The following ZNF879 variants were observed in gnomAD, a reference collection of about 807,000 sequenced individuals.
ZNF879 encodes zinc finger protein 879.
Under a neutral mutation model 44.3 loss-of-function variants are expected in ZNF879, and 32 were observed. The ratio of observed to expected loss-of-function variants is 0.72; its 90% CI spans 0.54 to 0.97. ZNF879 has a LOEUF of 0.97. Ranked by LOEUF, ZNF879 falls within the 50% of genes least tolerant of loss-of-function variation. ZNF879 has a pLI of 0.00. For synonymous variants in ZNF879, 234 were observed against 233.2 expected (o/e 1.00, Z -0.03); for missense variants, 621 against 669.7 (o/e 0.93, Z 0.80).
In ZNF879 at chr5:179,033,581, T is replaced by C; in HGVS notation, c.1633T>C (p.Cys545Arg). 1 of 1,548,026 alleles carries C rather than the reference T, an allele frequency of 6.5e-7. No individual in the cohort carries two copies. The highest frequency in any genetic ancestry group is 8.7e-7 in the Non-Finnish European group (1 of 1,146,206). Reference sequence around the variant, plus strand: ...GGAAAAACCTTATAAATGTAAAGAATGTGGGAAGGCTTTTAGTCAGAGCTC... The same window carrying C: ...GGAAAAACCTTATAAATGTAAAGAACGTGGGAAGGCTTTTAGTCAGAGCTC... ...TGEKPYKCKE[C>R]GKAFSQSSSL... The change falls in exon 5 of 5, where the codon TGT becomes CGT. Residue 545 changes from cysteine to arginine, a missense_variant. Transcript: ENST00000444149.
intron 1 of ZNF879, 187 bp from the exon 2 acceptor site, chr5:179,024,783 G>T: frequency 1.8e-6 from 1 of 560,976 alleles, no homozygotes; most frequent in Admixed American, 3.0e-5. Context: ...AAGGTAGCAG[G>T]CCCGGTGACT....
In ZNF879 at chr5:179,027,553, G is replaced by A. The variant is rs779973107; in HGVS notation, c.114G>A (p.Leu38=). The change falls in exon 3 of 5, where the codon TTG becomes TTA. Residue 38 remains leucine (L), a synonymous_variant. Coordinates refer to ENST00000444149, the MANE Select transcript of ZNF879 (RefSeq NM_001136116.3). ...WLHLDSAQRA[L]YREVMLENYS... is the part of the protein sequence containing the mutation. ...ACCTGGACTCTGCCCAGAGAGCCTTGTACCGGGAGGTGATGCTGGAGAACT... is the reference window on the plus strand; with the variant it reads ...ACCTGGACTCTGCCCAGAGAGCCTTATACCGGGAGGTGATGCTGGAGAACT... 1.3e-5 allele frequency: 21 copies of A among 1,614,034 alleles called. No individual in the cohort carries two copies. The highest frequency in any genetic ancestry group is 1.7e-5 in the Non-Finnish European group (20 of 1,180,042).
chr5:179,027,290 C>A, intron 2 of ZNF879, 183 bp from the exon 3 acceptor site: 2 of 811,544 alleles, frequency 2.5e-6, no homozygotes, highest in Non-Finnish European at 3.8e-6. Flanking sequence ...CCTCTGTGTT[C>A]AAGCTTCCTG....
In ZNF879 at chr5:179,032,795, A is replaced by G. The variant is rs1761462664; in HGVS notation, c.847A>G (p.Thr283Ala). The change falls in exon 5 of 5, where the codon ACT (threonine) becomes GCT (alanine). Residue 283 changes from threonine to alanine, a missense_variant. By Grantham distance (58) the Thr-to-Ala change is moderately conservative. Transcript: ENST00000444149. The stretch of plus-strand genomic sequence containing the variant: ...TCTTATTGGACACCAGAGAATGCAT[A>G]CTGGAGAGAGACCTTATAAATGCAA... Reference protein sequence around the residue: ...TSLIGHQRMHTGERPYKCKEC... With the variant: ...TSLIGHQRMHAGERPYKCKEC... 1 of 1,554,464 alleles carries G rather than the reference A, an allele frequency of 6.4e-7. No homozygotes were observed. Among genetic ancestry groups the G allele is most frequent in the Non-Finnish European group, 8.7e-7 (1 of 1,148,746 alleles).
In ZNF879 at chr5:179,026,681, G is replaced by A. The variant is rs577377405; in HGVS notation, c.34-792G>A. Reference sequence around the variant, plus strand: ...AAAAATTATTTTTTGCAGAGATGAGGTCTCTCTATGTTGCCCAGGCCGGTC... The same window carrying A: ...AAAAATTATTTTTTGCAGAGATGAGATCTCTCTATGTTGCCCAGGCCGGTC... On this transcript the variant is annotated intron_variant, in intron 2 of 4. Coordinates refer to ENST00000444149, the MANE Select transcript of ZNF879 (RefSeq NM_001136116.3). Among the ~76,000 whole-genome samples, 4 of 152,138 alleles carry A rather than the reference G, an allele frequency of 2.6e-5. No homozygotes were observed. The South Asian group carries it at 8.3e-4, about 32-fold the overall frequency.
rs910584999 is a variant in ZNF879 at position 179,032,491 on chromosome 5, G to A, written c.543G>A (p.Arg181=). 10 of 1,551,576 alleles carry A rather than the reference G, an allele frequency of 6.4e-6. No homozygotes were observed. The African/African-American group carries it at 9.6e-5, about 15-fold the overall frequency. The change falls in exon 5 of 5, where the codon AGG becomes AGA. Residue 181 remains arginine (R), a synonymous_variant. Transcript: ENST00000444149. ...IRKPRIVSRG[R]RPRSQQYSVL... ...AACCGAGAATAGTTTCCAGAGGAAG[G>A]AGACCCCGTTCACAGCAGTATTCAG...
chr5:179,029,057 C>G (rs899871891), intron 4 of ZNF879, among the ~76,000 whole-genome samples: 3 of 139,654 alleles, frequency 2.1e-5, no homozygotes, highest in Non-Finnish European at 4.6e-5. Context: ...GTTTTTTTCT[C>G]TCCTCTGAGA....
At chr5:179,029,866 A>G (rs1332411423) in intron 4 of ZNF879, among the ~76,000 whole-genome samples, 1 of 152,206 alleles carries the variant, frequency 6.6e-6, no homozygotes, top group African/African-American at 2.4e-5. Context: ...CAGTGAATAG[A>G]GGCCTACCTC....
At position 179,032,525 on chromosome 5, in the gene ZNF879, A is replaced by G; in HGVS notation, c.577A>G (p.Lys193Glu). 1 of 1,551,744 alleles carries G rather than the reference A, an allele frequency of 6.4e-7. No homozygotes were observed. The highest frequency in any genetic ancestry group is 8.7e-7 in the Non-Finnish European group (1 of 1,147,004). ...TTCACAGCAGTATTCAGTTCTCTTTAAACAACTGGGGGTCAACACAGTGCG... is the reference window on the plus strand; with the variant it reads ...TTCACAGCAGTATTCAGTTCTCTTTGAACAACTGGGGGTCAACACAGTGCG... ...PRSQQYSVLF[K>E]QLGVNTVRKC... The change falls in exon 5 of 5, where the codon AAA becomes GAA. Residue 193 changes from lysine to glutamate, a missense_variant. Transcript: ENST00000444149.
rs530641022 is a variant in ZNF879, at chr5:179,033,596, A to C, written c.1648A>C (p.Ser550Arg). The change falls in exon 5 of 5, where the codon AGT becomes CGT. Residue 550 changes from serine to arginine, a missense_variant. Physicochemically the swap from Ser to Arg is moderately radical, Grantham distance 110 (BLOSUM62 -1). Coordinates refer to ENST00000444149, the MANE Select transcript of ZNF879 (RefSeq NM_001136116.3). ...YKCKECGKAFSQSSSLTNHQR... is the reference protein window; with the variant it reads ...YKCKECGKAFRQSSSLTNHQR... Reference sequence around the variant, plus strand: ...ATGTAAAGAATGTGGGAAGGCTTTTAGTCAGAGCTCATCTCTTACTAATCA... The same window carrying C: ...ATGTAAAGAATGTGGGAAGGCTTTTCGTCAGAGCTCATCTCTTACTAATCA... 1 of 1,542,228 alleles carries C rather than the reference A, an allele frequency of 6.5e-7. No homozygotes were observed. Among genetic ancestry groups the C allele is most frequent in the Non-Finnish European group, 8.7e-7 (1 of 1,144,118 alleles).
chr5:179,033,659 A>T lies in ZNF879; in HGVS notation c.*19A>T. ...TAATTGAGAAAAACTGTATAAATGC[A>T]TGTAGGAACTGAAGTTATATTCCAT... On this transcript the variant is annotated 3_prime_UTR_variant, in exon 5 of 5. Transcript: ENST00000444149. The T allele has an allele frequency of 2.1e-6, 3 of 1,447,456 alleles. No individual in the cohort carries two copies. The South Asian group carries it at 4.4e-5, about 21-fold the overall frequency. 89.7% of individuals were successfully genotyped at this position (1,447,456 alleles called of 1,614,324 possible).
Position 179,031,976 on chromosome 5 carries a change from G to A in ZNF879, c.257-229G>A, listed in dbSNP as rs190023019. On this transcript the variant is annotated intron_variant, in intron 4 of 4. Transcript: ENST00000444149. ...GCGAGCTGTGCTTTGTTAATAGATC[G>A]AGCCTGGCTCTTCCTGTTGTCCCCT... 1.1e-4 allele frequency among the ~76,000 whole-genome samples: 16 copies of A among 152,230 alleles called. No individual in the cohort carries two copies. The East Asian group carries it at 2.3e-3, about 22-fold the overall frequency.
rs1561737004 is a variant in ZNF879 at position 179,032,545 on chromosome 5, A to ATT, written c.597_598insTT (p.Val200LeufsTer21). ...TCTTTAAACAACTGGGGGTCAACAC[A>ATT]GTGCGTAAATGTTATAAATGTAATA... On this transcript the variant is annotated frameshift_variant, in exon 5 of 5. Transcript: ENST00000444149. LOFTEE classifies it high-confidence loss of function. 2 of 1,551,828 alleles carry ATT rather than the reference A, an allele frequency of 1.3e-6. No homozygotes were observed. The highest frequency in any genetic ancestry group is 1.7e-6 in the Non-Finnish European group (2 of 1,147,050).
Position 179,033,874 on chromosome 5 carries a change from T to G in ZNF879, c.*234T>G, listed in dbSNP as rs1039607192. On this transcript the variant is annotated 3_prime_UTR_variant, in exon 5 of 5. Coordinates refer to ENST00000444149, the MANE Select transcript of ZNF879 (RefSeq NM_001136116.3). ...AGTTATTACCATGAAATGGAGAATTTTTAAGATTGCAGGGTTAGTATTTGA... is the reference window on the plus strand; with the variant it reads ...AGTTATTACCATGAAATGGAGAATTGTTAAGATTGCAGGGTTAGTATTTGA... 13 of 376,254 alleles carry G rather than the reference T, an allele frequency of 3.5e-5. No individual in the cohort carries two copies. The highest frequency in any genetic ancestry group is 5.7e-5 in the Non-Finnish European group (12 of 211,794). 23.3% of individuals were successfully genotyped at this position (376,254 alleles called of 1,614,324 possible). A position where few individuals can be genotyped will look rare whatever the true frequency, so the allele number is the denominator to read the frequency against.
intron 2 of ZNF879, 30 bp from the exon 3 acceptor site, chr5:179,027,443 G>C: frequency 6.2e-7 from 1 of 1,612,244 alleles, no homozygotes; most frequent in Non-Finnish European, 8.5e-7. Flanking sequence ...GGACAGTCCT[G>C]GATGAACAGG....
rs550370859 is a variant in ZNF879, at chr5:179,027,596, C to A, written c.157C>A (p.Leu53Met). The A allele has an allele frequency of 2.1e-5, 34 of 1,613,726 alleles. No homozygotes were observed. The highest frequency in any genetic ancestry group is 2.7e-5 in the Non-Finnish European group (32 of 1,179,840). ...MLENYSILVS[L>M]GILFSKPKVI... The stretch of plus-strand genomic sequence containing the variant: ...GGAGAACTACAGCATCCTGGTCTCA[C>A]TGGGTAAGGAACTTTCCTCCTGATG... The change falls in exon 3 of 5, where the codon CTG becomes ATG. Residue 53 changes from leucine (L) to methionine (M), a missense_variant. Physicochemically the swap from Leu to Met is conservative, Grantham distance 15. Coordinates refer to ENST00000444149, the MANE Select transcript of ZNF879 (RefSeq NM_001136116.3).
intron 4 of ZNF879, among the ~76,000 whole-genome samples, chr5:179,030,597 A>AT (rs755570807): frequency 1.8e-4 from 27 of 152,280 alleles, no homozygotes; most frequent in Admixed American, 6.5e-4. Flanking sequence ...TAATTAAGTG[A>AT]TTTTTTATAT....
chr5:179,026,725 G>A (rs1761281238), intron 2 of ZNF879, among the ~76,000 whole-genome samples: 1 of 152,248 alleles, frequency 6.6e-6, no homozygotes, highest in Non-Finnish European at 1.5e-5. Flanking sequence ...CTGGGCTCAA[G>A]TAATCCTCCT....
Position 179,033,229 on chromosome 5 carries a change from C to T in ZNF879, c.1281C>T (p.Pro427=), listed in dbSNP as rs771126982. ...QHQRIHTGEK[P]YKCNECGKAF... is the part of the protein sequence containing the mutation. ...AAAGAATTCACACTGGAGAAAAACC[C>T]TACAAATGTAATGAATGTGGGAAAG... is the stretch of plus-strand genomic sequence containing the variant. The change falls in exon 5 of 5, where the codon CCC becomes CCT. Residue 427 remains proline, a synonymous_variant. Transcript: ENST00000444149. 6.3e-7 allele frequency: 1 copy of T among 1,593,522 alleles called. No homozygotes were observed. The highest frequency in any genetic ancestry group is 8.5e-7 in the Non-Finnish European group (1 of 1,169,846).
Sources: allele counts gnomAD v4.1 joint callset (sites outside exome capture counted in the v4.1 genomes callset), GRCh38; gene constraint gnomAD v4.1.1; transcripts MANE v1.5; gene names NCBI Gene and HGNC (gene_info 2026-07-23, HGNC 2026-07-21).